WWP1: variants seen among roughly 807,000 people sequenced by gnomAD.
The protein encoded by WWP1 is WW domain containing E3 ubiquitin protein ligase 1, also known as NEDD4-like E3 ubiquitin-protein ligase WWP1.
Under a neutral mutation model 130.6 loss-of-function variants are expected in WWP1, and 49 were observed. The observed-to-expected ratio is 0.38, with a 90% CI of 0.30 to 0.48. The LOEUF (loss-of-function observed/expected upper bound fraction) is 0.48, where lower values mean the gene tolerates loss of function less well. Ranked by LOEUF, WWP1 falls within the 20% of genes least tolerant of loss-of-function variation. WWP1 has a pLI of 0.99. For missense variants in WWP1, 809 were observed against 1,100.6 expected, an observed-to-expected ratio of 0.74 and a Z score of 3.75; for synonymous variants, 332 against 367.8, an observed-to-expected ratio of 0.90 and a Z score of 1.11.
At chr8:86,438,969 T>C (rs979521921) in intron 17 of WWP1, among the ~76,000 whole-genome samples, 1 of 152,196 alleles carries the variant, frequency 6.6e-6, no homozygotes, top group Non-Finnish European at 1.5e-5. Context: ...TGTTTTTTTA[T>C]ATAGTGTGGG....
chr8:86,401,981 A>G (rs1563499333), intron 7 of WWP1, 38 bp from the exon 8 acceptor site: 1 of 1,497,104 alleles, frequency 6.7e-7, no homozygotes, highest in Non-Finnish European at 9.0e-7. Flanking sequence ...TTGTTGAATT[A>G]TACTTAAATG....
At position 86,373,071 on chromosome 8, in the gene WWP1, GTT is replaced by G. The variant is rs34499209; in HGVS notation, c.-21-946_-21-945del. 4.2e-3 allele frequency among the ~76,000 whole-genome samples: 550 copies of G among 132,448 alleles called. 4 individuals are homozygous for G. The highest frequency in any genetic ancestry group is 0.014 in the African/African-American group (491 of 36,150). 86.9% of individuals were successfully genotyped at this position (132,448 alleles called of 152,430 possible). On this transcript the variant is annotated intron_variant, in intron 2 of 24. Transcript: ENST00000517970. ...ATTTTTGTTTTTCAGTTCTTAGTTT[GTT>G]TTTTTTTTTTTTGTAATTTCCAACA...
At chr8:86,418,671 A>G (rs1278822343) in intron 9 of WWP1, among the ~76,000 whole-genome samples, 1 of 152,198 alleles carries the variant, frequency 6.6e-6, no homozygotes, top group Non-Finnish European at 1.5e-5. Flanking sequence ...TGCAGCCAGA[A>G]CTTCTGCTCT....
At chr8:86,422,878 A>C (rs1809307467) in intron 9 of WWP1, among the ~76,000 whole-genome samples, 1 of 152,188 alleles carries the variant, frequency 6.6e-6, no homozygotes, top group Non-Finnish European at 1.5e-5. Context: ...ATAGATATGC[A>C]CAATGAAAAG....
In WWP1 at chr8:86,427,811, C is replaced by G. The variant is rs781686880; in HGVS notation, c.1326C>G (p.Leu442=). ...TGCAACAGTTTAACCAACGATACCT[C>G]TATTCGGTAATTAGCAAATTGTAAG... ...GAMQQFNQRY[L]YSASMLAAEN... is the part of the protein sequence containing the mutation. The change falls in exon 11 of 25, where the codon CTC becomes CTG. Residue 442 remains leucine, a synonymous_variant. Transcript: ENST00000517970. 2 of 1,607,008 alleles carry G rather than the reference C, an allele frequency of 1.2e-6. No homozygotes were observed. The highest frequency in any genetic ancestry group is 1.7e-6 in the Non-Finnish European group (2 of 1,176,388).
intron 1 of WWP1, among the ~76,000 whole-genome samples, chr8:86,344,575 A>G (rs1016369087): frequency 3.3e-5 from 5 of 152,228 alleles, no homozygotes; most frequent in Admixed American, 3.3e-4. Flanking sequence ...CTTTTAATAT[A>G]TAAGTTTCAT....
intron 9 of WWP1, among the ~76,000 whole-genome samples, chr8:86,414,525 CT>C (rs1255508400): frequency 6.6e-6 from 1 of 152,140 alleles, no homozygotes; most frequent in Non-Finnish European, 1.5e-5. Context: ...CTGTGTAACC[CT>C]TTGAGTCAGC....
At chr8:86,403,690 T>C (rs1173474538) in intron 8 of WWP1, among the ~76,000 whole-genome samples, 1 of 151,824 alleles carries the variant, frequency 6.6e-6, no homozygotes, top group East Asian at 1.9e-4. Context: ...CATTGAGAAC[T>C]GACACATGAA....
intron 21 of WWP1, among the ~76,000 whole-genome samples, chr8:86,453,198 C>A (rs1315141561): frequency 6.6e-6 from 1 of 152,090 alleles, no homozygotes; most frequent in Admixed American, 6.6e-5. Flanking sequence ...GACAAGTCCC[C>A]CTTTTCCCCA....
In WWP1 at chr8:86,430,787, A is replaced by G. The variant is rs199876369; in HGVS notation, c.1387+36A>G. 6.4e-5 allele frequency: 47 copies of G among 728,954 alleles called. No individual in the cohort carries two copies. In the East Asian group the frequency reaches 1.9e-3, roughly 29 times the overall value. The allele number at this position is 728,954 out of a possible 1,614,324, so 45.2% of individuals were successfully genotyped here. On this transcript the variant is annotated intron_variant, in intron 12 of 24. Coordinates refer to ENST00000517970, the MANE Select transcript of WWP1 (RefSeq NM_007013.4). ...TTTGCTAATGATCTATAAGGGAGAT[A>G]TATATCTCTCCATATATATATATAT...
At chr8:86,435,320 G>C (rs1232310595) in intron 14 of WWP1, 132 bp from the exon 15 acceptor site, 1 of 891,096 alleles carries the variant, frequency 1.1e-6, no homozygotes, top group African/African-American at 1.7e-5. Context: ...CACCATGTAT[G>C]TATACCCTTC....
At chr8:86,422,986 G>T (rs1371450013) in intron 9 of WWP1, among the ~76,000 whole-genome samples, 1 of 150,926 alleles carries the variant, frequency 6.6e-6, no homozygotes, top group Non-Finnish European at 1.5e-5. Context: ...GGGTACTTTT[G>T]AAATTATAGC....
At chr8:86,406,583 T>C (rs1051232417) in intron 8 of WWP1, among the ~76,000 whole-genome samples, 23 of 152,224 alleles carry the variant, frequency 1.5e-4, no homozygotes, top group African/African-American at 5.5e-4. Flanking sequence ...TGTATAACTA[T>C]TTTGTACAAA....
At chr8:86,408,059 C>T (rs992436806) in intron 8 of WWP1, among the ~76,000 whole-genome samples, 4 of 151,870 alleles carry the variant, frequency 2.6e-5, no homozygotes, top group Admixed American at 2.0e-4. Context: ...TTTGTTTATC[C>T]CTCAAACCCT....
At chr8:86,374,455 A>G (rs373252215) in intron 3 of WWP1, among the ~76,000 whole-genome samples, 9 of 152,272 alleles carry the variant, frequency 5.9e-5, no homozygotes, top group African/African-American at 2.2e-4. Context: ...CATTTGTTCA[A>G]TCATTGGGCA....
intron 9 of WWP1, among the ~76,000 whole-genome samples, chr8:86,424,271 A>G (rs1443807175): frequency 6.7e-6 from 1 of 149,828 alleles, no homozygotes; most frequent in Non-Finnish European, 1.5e-5. Flanking sequence ...GACACTCCTC[A>G]CTTCCTGGAC....
chr8:86,345,429 G>A (rs1432270859), intron 1 of WWP1, among the ~76,000 whole-genome samples: 2 of 152,030 alleles, frequency 1.3e-5, no homozygotes, highest in African/African-American at 4.8e-5. Context: ...TTTCGAGGCA[G>A]GATTTCTTTC....
At chr8:86,432,617 T>G (rs1381004300) in intron 14 of WWP1, among the ~76,000 whole-genome samples, 1 of 152,096 alleles carries the variant, frequency 6.6e-6, no homozygotes, top group African/African-American at 2.4e-5. Context: ...TTTTTTTGTT[T>G]TTTTTTTGAG....
At chr8:86,429,290 T>C (rs1168440220) in intron 11 of WWP1, among the ~76,000 whole-genome samples, 2 of 152,204 alleles carry the variant, frequency 1.3e-5, no homozygotes, top group Non-Finnish European at 2.9e-5. Flanking sequence ...TTGGTCACTC[T>C]ACCAACTCAG....
Sources: gnomAD v4.1 joint callset for allele counts (sites outside exome capture counted in the v4.1 genomes callset) on GRCh38, gnomAD v4.1.1 for gene constraint, MANE v1.5 for transcripts, NCBI Gene and HGNC (gene_info 2026-07-23, HGNC 2026-07-21) for gene names.